The following CCDC91 variants were observed in gnomAD, a reference collection of about 807,000 sequenced individuals.
CCDC91 encodes coiled-coil domain-containing protein 91.
In CCDC91, 48 loss-of-function variants were observed where a neutral mutation model predicts 63.2. The ratio of observed to expected loss-of-function variants is 0.76; its 90% CI spans 0.60 to 0.97. The LOEUF (loss-of-function observed/expected upper bound fraction) is 0.97, where lower values mean the gene tolerates loss of function less well. Ranked by LOEUF, CCDC91 falls within the 50% of genes least tolerant of loss-of-function variation. The pLI, the probability that CCDC91 is intolerant of heterozygous loss-of-function variation, is 0.00. For synonymous variants in CCDC91, 167 were observed against 165.8 expected, an observed-to-expected ratio of 1.01 and a Z score of -0.06; for missense variants, 500 against 494.6, an observed-to-expected ratio of 1.01 and a Z score of -0.10.
chr12:28,261,753 C>T (rs1400363259), intron 3 of CCDC91, among the ~76,000 whole-genome samples: 2 of 151,898 alleles, frequency 1.3e-5, no homozygotes, highest in Non-Finnish European at 2.9e-5. Flanking sequence ...TATGTCACAT[C>T]TGCACGTCTG....
At chr12:28,495,699 A>G (rs1311491714) in intron 12 of CCDC91, among the ~76,000 whole-genome samples, 1 of 151,608 alleles carries the variant, frequency 6.6e-6, no homozygotes, top group Non-Finnish European at 1.5e-5. Flanking sequence ...TGAGACTTTA[A>G]TTATCTTTTT....
chr12:28,245,434 C>T (rs1945665256), intron 1 of CCDC91, among the ~76,000 whole-genome samples: 1 of 151,886 alleles, frequency 6.6e-6, no homozygotes, highest in Non-Finnish European at 1.5e-5. Flanking sequence ...AGGTATATAC[C>T]TTTTATAGAT....
chr12:28,470,174 A>G (rs918832161), intron 11 of CCDC91, among the ~76,000 whole-genome samples: 2 of 152,158 alleles, frequency 1.3e-5, no homozygotes, highest in Non-Finnish European at 2.9e-5. Context: ...AAATATTTGC[A>G]AACAACCCAT....
intron 1 of CCDC91, among the ~76,000 whole-genome samples, chr12:28,209,425 T>A (rs1428081893): frequency 4.6e-5 from 7 of 152,278 alleles, no homozygotes; most frequent in Middle Eastern, 3.4e-3. Context: ...TAACGTTAAT[T>A]ATTTATTATT....
intron 1 of CCDC91, among the ~76,000 whole-genome samples, chr12:28,196,775 C>T (rs1458743494): frequency 6.6e-6 from 1 of 152,168 alleles, no homozygotes; most frequent in Non-Finnish European, 1.5e-5. Context: ...TCTGAGGTAA[C>T]TGCTGCAAAC....
At chr12:28,274,323 G>A (rs1297752879) in intron 3 of CCDC91, among the ~76,000 whole-genome samples, 2 of 152,098 alleles carry the variant, frequency 1.3e-5, no homozygotes, top group African/African-American at 2.4e-5. Context: ...TGGTGATGCA[G>A]GCTCTTTTTT....
At chr12:28,410,139 G>A (rs1020386512) in intron 8 of CCDC91, among the ~76,000 whole-genome samples, 1 of 152,112 alleles carries the variant, frequency 6.6e-6, no homozygotes, top group Non-Finnish European at 1.5e-5. Context: ...ATCTCTGACC[G>A]TACTTTTGGA....
At chr12:28,549,015 T>A (rs761443191) in intron 12 of CCDC91, 48 bp from the exon 13 acceptor site, 4 of 1,263,158 alleles carry the variant, frequency 3.2e-6, no homozygotes, top group Non-Finnish European at 4.6e-6. Flanking sequence ...ATCCTTCAAC[T>A]CAGTATTTTT....
chr12:28,372,400 C>G (rs771917419), intron 7 of CCDC91, among the ~76,000 whole-genome samples: 30 of 152,074 alleles, frequency 2.0e-4, no homozygotes, highest in Middle Eastern at 6.8e-3. Flanking sequence ...TCCATAGTAT[C>G]TGTAGATTGC....
Position 28,487,850 on chromosome 12 carries a change from C to G in CCDC91, c.1215+3685C>G, listed in dbSNP as rs538597435. 9.2e-5 allele frequency among the ~76,000 whole-genome samples: 14 copies of G among 151,798 alleles called. No individual in the cohort carries two copies. In the East Asian group the frequency reaches 2.7e-3, roughly 29 times the overall value. On this transcript the variant is annotated intron_variant, in intron 12 of 12. Coordinates refer to ENST00000536442, the MANE Select transcript of CCDC91 (RefSeq NM_018318.5). ...TTTGTCCTTTGTCCTAGTAGTCTTT[C>G]ATTAGACATCATCATACTTTTACCA...
intron 3 of CCDC91, among the ~76,000 whole-genome samples, chr12:28,274,602 A>C (rs1948059610): frequency 6.6e-6 from 1 of 152,086 alleles, no homozygotes; most frequent in Non-Finnish European, 1.5e-5. Context: ...TCTTTGAAGC[A>C]ATTGTGAATG....
intron 12 of CCDC91, among the ~76,000 whole-genome samples, chr12:28,500,380 G>A (rs1937662626): frequency 1.3e-5 from 2 of 152,052 alleles, no homozygotes; most frequent in African/African-American, 4.8e-5. Flanking sequence ...TGCTTTTGTT[G>A]CCATTGCTTT....
intron 1 of CCDC91, among the ~76,000 whole-genome samples, chr12:28,212,932 AAGACCTCAC>A (rs1429994759): frequency 3.9e-5 from 6 of 152,226 alleles, no homozygotes; most frequent in African/African-American, 1.4e-4. Context: ...TGGGTCTTCA[AAGACCTCAC>A]AGTCAATTAT....
intron 11 of CCDC91, among the ~76,000 whole-genome samples, chr12:28,465,890 A>T (rs1317496478): frequency 6.6e-6 from 1 of 152,158 alleles, no homozygotes; most frequent in Admixed American, 6.5e-5. Context: ...GGAATTCAAA[A>T]TGGCTGTTTT....
intron 12 of CCDC91, among the ~76,000 whole-genome samples, chr12:28,504,582 T>G (rs1312446908): frequency 6.6e-6 from 1 of 151,922 alleles, no homozygotes; most frequent in East Asian, 1.9e-4. Context: ...TGTGAACTCT[T>G]ATCAACTCTT....
intron 6 of CCDC91, among the ~76,000 whole-genome samples, chr12:28,329,710 G>A (rs1941331038): frequency 6.6e-6 from 1 of 152,064 alleles, no homozygotes. Context: ...TTGGTTTGCT[G>A]CACCCATTAA....
chr12:28,342,432 T>C (rs1942496929), intron 6 of CCDC91, among the ~76,000 whole-genome samples: 1 of 152,082 alleles, frequency 6.6e-6, no homozygotes, highest in African/African-American at 2.4e-5. Flanking sequence ...TGTGGCATAG[T>C]GGTGGGGATG....
chr12:28,517,601 T>C (rs1362030205), intron 12 of CCDC91, among the ~76,000 whole-genome samples: 1 of 151,922 alleles, frequency 6.6e-6, no homozygotes, highest in African/African-American at 2.4e-5. Context: ...TTCATTTCCA[T>C]AGATTATTGG....
rs531381078 is a variant in CCDC91 at position 28,311,395 on chromosome 12, G to T, written c.576+3646G>T. Among the ~76,000 whole-genome samples the T allele has an allele frequency of 2.0e-5, 3 of 152,054 alleles. No individual in the cohort carries two copies. The South Asian group carries it at 6.2e-4, about 32-fold the overall frequency. ...AGAGAGTCTTTTTCCTTTTGGATGG[G>T]GATAGAAGTCCTAAAACTGTCTTCA... On this transcript the variant is annotated intron_variant, in intron 6 of 12. Transcript: ENST00000536442.
Sources: gnomAD v4.1 joint callset for allele counts (sites outside exome capture counted in the v4.1 genomes callset) on GRCh38, gnomAD v4.1.1 for gene constraint, MANE v1.5 for transcripts, NCBI Gene and HGNC (gene_info 2026-07-23, HGNC 2026-07-21) for gene names.